The following RGSL1 variants were observed in gnomAD, a reference collection of about 807,000 sequenced individuals.
The protein encoded by RGSL1 is regulator of G protein signaling protein-like.
A neutral mutation model predicts 124.7 loss-of-function variants in RGSL1; 97 were observed. The observed-to-expected ratio is 0.78, with a 90% CI of 0.66 to 0.92. RGSL1 has a LOEUF of 0.92. RGSL1 is among the 40% of genes least tolerant of loss of function. The probability of loss-of-function intolerance (pLI) is 0.00; values close to 1 mark genes in which losing one functional copy is unlikely to be tolerated. For synonymous variants in RGSL1, 424 were observed against 438.1 expected (o/e 0.97, Z 0.40); for missense variants, 1,233 against 1,288.4 (o/e 0.96, Z 0.66).
intron 9 of RGSL1, among the ~76,000 whole-genome samples, chr1:182,499,273 T>C (rs1038687847): frequency 9.9e-5 from 15 of 152,224 alleles, no homozygotes; most frequent in African/African-American, 3.4e-4. Context: ...CAGTGGGGTG[T>C]TGAAGTCTCC....
chr1:182,492,412 T>C (rs1009058639), intron 8 of RGSL1, among the ~76,000 whole-genome samples: 2 of 152,156 alleles, frequency 1.3e-5, no homozygotes, highest in African/African-American at 4.8e-5. Flanking sequence ...TTCTCATATA[T>C]GAATTAAAAA....
At chr1:182,509,868 C>G (rs1389289864) in intron 9 of RGSL1, among the ~76,000 whole-genome samples, 31 of 136,682 alleles carry the variant, frequency 2.3e-4, no homozygotes, top group South Asian at 4.8e-4. Flanking sequence ...CGGAGACGCT[C>G]CTCACTTCCC....
At chr1:182,522,181 G>A in intron 10 of RGSL1, 72 bp downstream of exon 10, 1 of 1,035,058 alleles carries the variant, frequency 9.7e-7, no homozygotes, top group South Asian at 1.5e-5. Context: ...ATGTCTAATG[G>A]TAAACTTATC....
chr1:182,458,524 C>T (rs1822271), intron 3 of RGSL1, 131 bp downstream of exon 3: 173,914 of 738,064 alleles, frequency 0.24, 22,199 homozygotes, highest in East Asian at 0.39. Context: ...GGCTGCAGTG[C>T]GGTGATGCGA....
intron 2 of RGSL1, among the ~76,000 whole-genome samples, chr1:182,454,380 C>A (rs1571454486): frequency 6.6e-6 from 1 of 152,188 alleles, no homozygotes; most frequent in African/African-American, 2.4e-5. Context: ...CATTCCCCCA[C>A]CTCTGAACCT....
rs1660402170 is a variant in RGSL1 at position 182,549,039 on chromosome 1, C to T, written c.2933+215C>T. The T allele has an allele frequency of 8.0e-6, 4 of 497,684 alleles. No individual in the cohort carries two copies. In the Admixed American group the frequency reaches 1.6e-4, roughly 19 times the overall value. 30.8% of individuals were successfully genotyped at this position (497,684 alleles called of 1,614,324 possible). A position where few individuals can be genotyped will look rare whatever the true frequency, so the allele number is the denominator to read the frequency against. On this transcript the variant is annotated intron_variant, in intron 17 of 21. Transcript: ENST00000294854. ...ATGGAAGGCAGAGTAAGACTGAGAG[C>T]CAAACGCCTGGTTTCCCACCCCTCC...
At chr1:182,491,605 C>T (rs1251515295) in intron 8 of RGSL1, among the ~76,000 whole-genome samples, 2 of 152,138 alleles carry the variant, frequency 1.3e-5, no homozygotes, top group Non-Finnish European at 2.9e-5. Context: ...TGATACAGGA[C>T]TAGAAACCTG....
At chr1:182,530,139 G>T in intron 11 of RGSL1, 105 bp from the exon 12 acceptor site, 1 of 729,366 alleles carries the variant, frequency 1.4e-6, no homozygotes, top group Non-Finnish European at 2.2e-6. Flanking sequence ...GATTGAAAAT[G>T]GGGGCTGTGA....
chr1:182,473,668 T>C lies in RGSL1; in HGVS notation c.557T>C (p.Leu186Pro). The part of the protein sequence containing the change: ...SHMQKVALFK[L>P]QSYWLPNFYT... ...ATGCAGAAAGTGGCTCTGTTCAAAC[T>C]CCAGAGCTATTGGCTTCCCAACTTT... is the stretch of plus-strand genomic sequence containing the variant. Residue 186 changes from leucine (L) to proline (P), a missense_variant, in exon 6 of 22, where the codon CTC becomes CCC. Coordinates refer to ENST00000294854, the MANE Select transcript of RGSL1 (RefSeq NM_001137669.2). The C allele has an allele frequency of 6.4e-7, 1 of 1,551,700 alleles. No homozygotes were observed. Among genetic ancestry groups the C allele is most frequent in the Non-Finnish European group, 8.7e-7 (1 of 1,146,974 alleles).
chr1:182,454,985 T>C (rs1292929041), intron 2 of RGSL1, among the ~76,000 whole-genome samples: 1 of 152,072 alleles, frequency 6.6e-6, no homozygotes, highest in Non-Finnish European at 1.5e-5. Context: ...ACATGGTTAT[T>C]GGGTGGTTAC....
intron 2 of RGSL1, among the ~76,000 whole-genome samples, chr1:182,454,744 A>G (rs565626376): frequency 6.6e-6 from 1 of 152,270 alleles, no homozygotes; most frequent in South Asian, 2.1e-4. Context: ...GACTGGAACA[A>G]ACCTATCTAT....
At chr1:182,505,044 A>G (rs1443639459) in intron 9 of RGSL1, among the ~76,000 whole-genome samples, 1 of 152,116 alleles carries the variant, frequency 6.6e-6, no homozygotes, top group East Asian at 1.9e-4. Flanking sequence ...CCCCATATGT[A>G]TCCTTCCCCA....
At chr1:182,525,059 G>A (rs918339364) in intron 10 of RGSL1, among the ~76,000 whole-genome samples, 53 of 152,110 alleles carry the variant, frequency 3.5e-4, no homozygotes, top group African/African-American at 1.2e-3. Context: ...CTTTAGGGGA[G>A]ATATACTCTA....
At chr1:182,541,053 C>T (rs10752875) in intron 15 of RGSL1, among the ~76,000 whole-genome samples, 78,749 of 151,868 alleles carry the variant, frequency 0.52, 20,670 homozygotes, top group Non-Finnish European at 0.55. Flanking sequence ...TCAGAGTAAT[C>T]GGGATATCCA....
rs1395516329 is a variant in RGSL1, at chr1:182,464,892, G to C, written c.301+4759G>C. Among the ~76,000 whole-genome samples the C allele has an allele frequency of 2.0e-5, 3 of 151,944 alleles. No homozygotes were observed. The East Asian group carries it at 5.8e-4, about 29-fold the overall frequency. On this transcript the variant is annotated intron_variant, in intron 4 of 21. Transcript: ENST00000294854. ...GCTTGAGGCCACAAGTTCAAGACCAGCCTGGGCAACATAATGAGACCCAGT... is the reference window on the plus strand; with the variant it reads ...GCTTGAGGCCACAAGTTCAAGACCACCCTGGGCAACATAATGAGACCCAGT...
intron 14 of RGSL1, among the ~76,000 whole-genome samples, chr1:182,534,129 C>T (rs1300197429): frequency 6.6e-6 from 1 of 152,096 alleles, no homozygotes; most frequent in Non-Finnish European, 1.5e-5. Flanking sequence ...ACATATTTTG[C>T]AATTGTGTGT....
intron 14 of RGSL1, among the ~76,000 whole-genome samples, chr1:182,535,528 T>A (rs984549452): frequency 2.0e-5 from 3 of 152,200 alleles, no homozygotes; most frequent in Non-Finnish European, 4.4e-5. Context: ...CAGACCCTCA[T>A]CTACTCAAGG....
chr1:182,550,129 C>T (rs1363543469), intron 17 of RGSL1: 1 of 152,180 alleles, frequency 6.6e-6, no homozygotes, highest in Non-Finnish European at 1.5e-5. Context: ...ACGAACCTCT[C>T]CACAACCCTA....
intron 17 of RGSL1, 27 bp from the exon 18 acceptor site, chr1:182,551,073 T>C (rs1282920563): frequency 3.3e-6 from 5 of 1,510,768 alleles, no homozygotes; most frequent in Non-Finnish European, 4.5e-6. Context: ...GGTTCCCTCC[T>C]ATGACCAGAA....
Sources: allele counts gnomAD v4.1 joint callset (sites outside exome capture counted in the v4.1 genomes callset), GRCh38; gene constraint gnomAD v4.1.1; transcripts MANE v1.5; gene names NCBI Gene and HGNC (gene_info 2026-07-23, HGNC 2026-07-21).